SKAP2: variants seen among roughly 807,000 people sequenced by gnomAD.
The protein encoded by SKAP2 is src kinase-associated phosphoprotein 2.
In SKAP2, 28 loss-of-function variants were observed where a neutral mutation model predicts 54.9. The ratio of observed to expected loss-of-function variants is 0.51; its 90% CI spans 0.38 to 0.70. The LOEUF (loss-of-function observed/expected upper bound fraction) is 0.70. Among genes scored for constraint, SKAP2 ranks in the 30% least tolerant of loss-of-function variants. The probability of loss-of-function intolerance (pLI) is 0.00; values close to 1 mark genes in which losing one functional copy is unlikely to be tolerated. For synonymous variants in SKAP2, 137 were observed against 134.3 expected (o/e 1.02, Z -0.14); for missense variants, 356 against 424.1 (o/e 0.84, Z 1.41).
chr7:26,745,878 T>C (rs1041059254), intron 4 of SKAP2, among the ~76,000 whole-genome samples: 3 of 152,182 alleles, frequency 2.0e-5, no homozygotes, highest in African/African-American at 7.2e-5. Context: ...TTGAAACATA[T>C]ATTAGGCTTT....
At chr7:26,767,804 G>A (rs1309963776) in intron 4 of SKAP2, among the ~76,000 whole-genome samples, 1 of 152,146 alleles carries the variant, frequency 6.6e-6, no homozygotes, top group African/African-American at 2.4e-5. Flanking sequence ...GTTCTAATTT[G>A]CTTGCACTGT....
chr7:26,824,721 A>G (rs889226144), intron 4 of SKAP2, among the ~76,000 whole-genome samples: 1 of 152,202 alleles, frequency 6.6e-6, no homozygotes, highest in Non-Finnish European at 1.5e-5. Context: ...CTGCTGTTGT[A>G]GCATGAACAC....
intron 1 of SKAP2, chr7:26,857,901 A>C (rs1294907510): frequency 1.1e-5 from 2 of 180,322 alleles, no homozygotes; most frequent in Non-Finnish European, 2.1e-5. Context: ...AACTAGCAAG[A>C]GCGTTAGCCT....
chr7:26,759,872 G>A (rs1287664288), intron 4 of SKAP2, among the ~76,000 whole-genome samples: 1 of 152,116 alleles, frequency 6.6e-6, no homozygotes, highest in Non-Finnish European at 1.5e-5. Context: ...ATTCCTGTGT[G>A]TGAAGTAAAA....
At position 26,669,078 on chromosome 7, in the gene SKAP2, C is replaced by T. The variant is rs1786175382; in HGVS notation, c.*588G>A. 6.6e-6 allele frequency: 1 copy of T among 152,064 alleles called. No homozygotes were observed. The highest frequency in any genetic ancestry group is 2.1e-4 in the South Asian group (1 of 4,810). The allele number at this position is 152,064 out of a possible 1,614,324, so 9.4% of individuals were successfully genotyped here. A position where few individuals can be genotyped will look rare whatever the true frequency, so the allele number is the denominator to read the frequency against. ...GACAGCACACTGCCATTTGCAACTTCATCATTTTTTCTTTCTTGCGGCTGT... is the reference window on the plus strand; with the variant it reads ...GACAGCACACTGCCATTTGCAACTTTATCATTTTTTCTTTCTTGCGGCTGT... On this transcript the variant is annotated 3_prime_UTR_variant, in exon 13 of 13. Transcript: ENST00000345317.
intron 4 of SKAP2, among the ~76,000 whole-genome samples, chr7:26,835,526 C>T (rs1163645480): frequency 2.0e-5 from 3 of 152,158 alleles, no homozygotes; most frequent in African/African-American, 4.8e-5. Flanking sequence ...GTGCAAAAAT[C>T]ACAAGCATTC....
intron 11 of SKAP2, among the ~76,000 whole-genome samples, chr7:26,676,587 C>G (rs1786354181): frequency 6.6e-6 from 1 of 152,162 alleles, no homozygotes; most frequent in South Asian, 2.1e-4. Context: ...TCCTATCATT[C>G]TAAGTTCTTT....
chr7:26,818,018 T>C (rs967969335), intron 4 of SKAP2, among the ~76,000 whole-genome samples: 1 of 152,144 alleles, frequency 6.6e-6, no homozygotes, highest in African/African-American at 2.4e-5. Flanking sequence ...CTACCCAAAG[T>C]AATTTATAGA....
In SKAP2 at chr7:26,726,945, TAG is replaced by T. The variant is rs753162031; in HGVS notation, c.529_530del (p.Leu177LysfsTer11). On this transcript the variant is annotated frameshift_variant, in exon 7 of 13. Coordinates refer to ENST00000345317, the MANE Select transcript of SKAP2 (RefSeq NM_003930.5). LOFTEE classifies it high-confidence loss of function. ...DGYSVRMNNT[L>X]RKDGKKDCCF... ...AGCAATCTTTCTTTCCATCCTTTCT[TAG>T]AGTGTTATTCATTCTGACACTGTAG... is the stretch of plus-strand genomic sequence containing the variant. 1 of 1,610,474 alleles carries T rather than the reference TAG, an allele frequency of 6.2e-7. No homozygotes were observed. The highest frequency in any genetic ancestry group is 1.7e-5 in the Admixed American group (1 of 59,696).
intron 4 of SKAP2, among the ~76,000 whole-genome samples, chr7:26,799,340 C>T (rs758467352): frequency 1.3e-4 from 20 of 151,104 alleles, no homozygotes; most frequent in Non-Finnish European, 2.4e-4. Context: ...CCTATAAGCA[C>T]ACATAGACTA....
intron 9 of SKAP2, among the ~76,000 whole-genome samples, chr7:26,717,908 A>G (rs139934902): frequency 3.6e-4 from 55 of 152,106 alleles, no homozygotes; most frequent in African/African-American, 1.3e-3. Flanking sequence ...CAAGATATAA[A>G]GACACAAAGC....
At chr7:26,687,414 G>A (rs748652798) in intron 10 of SKAP2, among the ~76,000 whole-genome samples, 2 of 151,664 alleles carry the variant, frequency 1.3e-5, no homozygotes, top group Non-Finnish European at 2.9e-5. Context: ...TTTGTGTCCC[G>A]TATGAGAGCT....
At chr7:26,825,213 T>C (rs1232208333) in intron 4 of SKAP2, among the ~76,000 whole-genome samples, 1 of 152,182 alleles carries the variant, frequency 6.6e-6, no homozygotes, top group East Asian at 1.9e-4. Context: ...ACTTATGGTA[T>C]GCATTTGAGA....
intron 4 of SKAP2, among the ~76,000 whole-genome samples, chr7:26,801,668 A>T (rs1326215366): frequency 6.6e-6 from 1 of 152,242 alleles, no homozygotes; most frequent in East Asian, 1.9e-4. Context: ...GCTGCAGGAT[A>T]CAAAATCAAC....
chr7:26,822,576 A>G (rs554212014), intron 4 of SKAP2, among the ~76,000 whole-genome samples: 2 of 152,204 alleles, frequency 1.3e-5, no homozygotes, highest in East Asian at 3.9e-4. Context: ...AATTAAGCCA[A>G]TTAATAACCC....
At chr7:26,837,814 C>A (rs1379445768) in intron 4 of SKAP2, among the ~76,000 whole-genome samples, 1 of 139,416 alleles carries the variant, frequency 7.2e-6, no homozygotes. Flanking sequence ...CAATATCCAC[C>A]TCTCTAGCCC....
At chr7:26,738,509 A>G (rs879559085) in intron 6 of SKAP2, among the ~76,000 whole-genome samples, 18 of 152,228 alleles carry the variant, frequency 1.2e-4, no homozygotes, top group Admixed American at 2.6e-4. Flanking sequence ...CTACAACAGT[A>G]GGCTGGATAA....
chr7:26,821,990 G>A (rs7785689), intron 4 of SKAP2, among the ~76,000 whole-genome samples: 32,322 of 152,038 alleles, frequency 0.21, 3,518 homozygotes, highest in Non-Finnish European at 0.24. Context: ...ATTAGCATTT[G>A]TCAGATAATT....
At chr7:26,746,634 T>TTTA (rs1289840042) in intron 4 of SKAP2, 1 of 151,290 alleles carries the variant, frequency 6.6e-6, no homozygotes, top group African/African-American at 2.4e-5. Flanking sequence ...TTTTTTTTTT[T>TTTA]TACCTTAAAC....
Sources: gnomAD v4.1 joint callset for allele counts (sites outside exome capture counted in the v4.1 genomes callset) on GRCh38, gnomAD v4.1.1 for gene constraint, MANE v1.5 for transcripts, NCBI Gene and HGNC (gene_info 2026-07-23, HGNC 2026-07-21) for gene names.